The following PTPRT variants were observed in gnomAD, a reference collection of about 807,000 sequenced individuals.
PTPRT encodes protein tyrosine phosphatase receptor type T, also known as receptor-type tyrosine-protein phosphatase T.
A neutral mutation model predicts 176.8 loss-of-function variants in PTPRT; 56 were observed. The observed-to-expected ratio is 0.32, with a 90% CI of 0.26 to 0.40. PTPRT has a LOEUF of 0.40. Among genes scored for constraint, PTPRT ranks in the 10% least tolerant of loss-of-function variants. The pLI is 1.00. For missense variants in PTPRT, 1,540 were observed against 1,908.2 expected, an observed-to-expected ratio of 0.81 and a Z score of 3.60; for synonymous variants, 783 against 739.0, an observed-to-expected ratio of 1.06 and a Z score of -0.96.
intron 6 of PTPRT, among the ~76,000 whole-genome samples, chr20:42,695,190 C>A (rs2075855857): frequency 6.6e-6 from 1 of 152,194 alleles, no homozygotes; most frequent in Non-Finnish European, 1.5e-5. Flanking sequence ...TTTTCATCCT[C>A]CTTGCCTGAG....
At chr20:42,888,127 G>A (rs1055104571) in intron 1 of PTPRT, among the ~76,000 whole-genome samples, 8 of 152,104 alleles carry the variant, frequency 5.3e-5, no homozygotes, top group South Asian at 2.1e-4. Context: ...TATAACAGCC[G>A]AAATGGATTA....
chr20:42,280,822 A>G (rs1360960172), intron 13 of PTPRT, among the ~76,000 whole-genome samples: 1 of 152,106 alleles, frequency 6.6e-6, no homozygotes, highest in East Asian at 1.9e-4. Context: ...AGATTCTTCC[A>G]CTGTCCCCAT....
intron 11 of PTPRT, among the ~76,000 whole-genome samples, chr20:42,325,544 T>C (rs1055527710): frequency 4.6e-5 from 7 of 152,176 alleles, no homozygotes; most frequent in African/African-American, 1.7e-4. Context: ...AGTTTCAATA[T>C]ACTGTATATT....
intron 1 of PTPRT, among the ~76,000 whole-genome samples, chr20:43,030,806 G>A (rs1013692003): frequency 6.6e-6 from 1 of 152,148 alleles, no homozygotes; most frequent in African/African-American, 2.4e-5. Flanking sequence ...TTCACTCTGG[G>A]TAACATGAGA....
chr20:43,061,642 A>G (rs1987467518), intron 1 of PTPRT, among the ~76,000 whole-genome samples: 1 of 152,216 alleles, frequency 6.6e-6, no homozygotes, highest in South Asian at 2.1e-4. Context: ...CACTTACTCC[A>G]TGTCTAGCAC....
chr20:42,706,215 G>T (rs867014657), intron 6 of PTPRT, among the ~76,000 whole-genome samples: 1 of 143,410 alleles, frequency 7.0e-6, no homozygotes, highest in Non-Finnish European at 1.5e-5. Flanking sequence ...GTGTGTGTGT[G>T]TGTATGTGTG....
At chr20:42,420,392 C>A (rs1238174243) in intron 9 of PTPRT, among the ~76,000 whole-genome samples, 1 of 152,156 alleles carries the variant, frequency 6.6e-6, no homozygotes, top group Non-Finnish European at 1.5e-5. Flanking sequence ...ACCACTTCCT[C>A]AACCCCACAC....
At chr20:42,946,955 C>A (rs767228080) in intron 1 of PTPRT, among the ~76,000 whole-genome samples, 23 of 152,130 alleles carry the variant, frequency 1.5e-4, no homozygotes, top group Non-Finnish European at 5.9e-5. Context: ...CCAGACAGTG[C>A]CAAATGTCAT....
At chr20:42,217,951 G>C (rs977066623) in intron 15 of PTPRT, among the ~76,000 whole-genome samples, 3 of 152,160 alleles carry the variant, frequency 2.0e-5, no homozygotes, top group Non-Finnish European at 4.4e-5. Flanking sequence ...TATAGGTGAG[G>C]AATTCAGGGC....
intron 17 of PTPRT, among the ~76,000 whole-genome samples, chr20:42,159,570 G>A (rs1989502264): frequency 6.6e-6 from 1 of 151,972 alleles, no homozygotes; most frequent in African/African-American, 2.4e-5. Flanking sequence ...AACCCCCTAG[G>A]AAATGAGATC....
intron 2 of PTPRT, among the ~76,000 whole-genome samples, chr20:42,885,341 C>T (rs917032831): frequency 6.8e-6 from 1 of 147,072 alleles, no homozygotes; most frequent in African/African-American, 2.5e-5. Context: ...AATAATATAA[C>T]ACACAATAAT....
intron 7 of PTPRT, among the ~76,000 whole-genome samples, chr20:42,609,524 C>T (rs2073938740): frequency 6.6e-6 from 1 of 152,194 alleles, no homozygotes; most frequent in South Asian, 2.1e-4. Flanking sequence ...TGCTAAGTGT[C>T]ACAGCCAGTG....
At chr20:42,794,454 G>C (rs190375409) in intron 2 of PTPRT, among the ~76,000 whole-genome samples, 1 of 152,122 alleles carries the variant, frequency 6.6e-6, no homozygotes, top group Admixed American at 6.5e-5. Flanking sequence ...AGTTTATCAG[G>C]ATCCCCAGGT....
chr20:42,972,402 C>A (rs1469182604), intron 1 of PTPRT, among the ~76,000 whole-genome samples: 1 of 151,492 alleles, frequency 6.6e-6, no homozygotes, highest in African/African-American at 2.4e-5. Flanking sequence ...TGGCTCATGC[C>A]TGTAATGCCA....
intron 1 of PTPRT, among the ~76,000 whole-genome samples, chr20:42,991,172 T>G (rs1326200763): frequency 6.6e-6 from 1 of 152,156 alleles, no homozygotes; most frequent in Non-Finnish European, 1.5e-5. Context: ...TGTAGTTACA[T>G]TTATCGTGTA....
At chr20:43,065,807 C>A (rs1253091292) in intron 1 of PTPRT, among the ~76,000 whole-genome samples, 1 of 152,154 alleles carries the variant, frequency 6.6e-6, no homozygotes, top group African/African-American at 2.4e-5. Flanking sequence ...CTGGTTGAAC[C>A]AGGCTGACTT....
intron 7 of PTPRT, among the ~76,000 whole-genome samples, chr20:42,676,314 C>T (rs1045436747): frequency 6.6e-6 from 1 of 152,124 alleles, no homozygotes; most frequent in East Asian, 1.9e-4. Flanking sequence ...GTTTTCATTT[C>T]GTAACTTGAC....
the PTPRT span, among the ~76,000 whole-genome samples, chr20:42,049,658 G>A: frequency 5.9e-5 from 9 of 152,298 alleles, no homozygotes; most frequent in Non-Finnish European, 7.3e-5. Context: ...TGAAAATGCT[G>A]ATTGCTAGGC....
At chr20:42,565,737 G>A (rs562495244) in intron 7 of PTPRT, among the ~76,000 whole-genome samples, 1 of 152,220 alleles carries the variant, frequency 6.6e-6, no homozygotes, top group South Asian at 2.1e-4. Context: ...TTGGATCAAG[G>A]GGATGAGCGC....
Sources: allele counts gnomAD v4.1 joint callset (sites outside exome capture counted in the v4.1 genomes callset), GRCh38; gene constraint gnomAD v4.1.1; transcripts MANE v1.5; gene names NCBI Gene and HGNC (gene_info 2026-07-23, HGNC 2026-07-21).